Variants in BTBD8 observed in about 807,000 individuals in gnomAD.
BTBD8 encodes the protein BTB/POZ domain-containing protein 8.
BTBD8 carries 110 observed loss-of-function variants against 162.9 expected under a neutral mutation model. That is an observed-to-expected ratio of 0.68 (90% CI 0.58 to 0.79). BTBD8 has a LOEUF of 0.79. BTBD8 is among the 30% of genes least tolerant of loss of function. The pLI is 0.00. For missense variants in BTBD8, 1,905 were observed against 2,085.4 expected (o/e 0.91, Z 1.68); for synonymous variants, 667 against 716.1 (o/e 0.93, Z 1.10).
chr1:92,087,349 T>C (rs1199524594), intron 1 of BTBD8, among the ~76,000 whole-genome samples: 1 of 152,186 alleles, frequency 6.6e-6, no homozygotes, highest in African/African-American at 2.4e-5. Flanking sequence ...ATTGAGTGTT[T>C]GTAGAGTTTC....
rs529372516 is a variant in BTBD8 at position 92,146,682 on chromosome 1, G to A, written c.931-498G>A. Among the ~76,000 whole-genome samples, 15 of 152,006 alleles carry A rather than the reference G, an allele frequency of 9.9e-5. No individual in the cohort carries two copies. The East Asian group carries it at 2.9e-3, about 29-fold the overall frequency. ...TCTCTGTAGTTTTGTTTTTTTCCGG[G>A]ATGTAATATAGTTGCAATCATACAG... On this transcript the variant is annotated intron_variant, in intron 7 of 17. Transcript: ENST00000636805.
chr1:92,179,370 A>C (rs890628665), intron 16 of BTBD8, among the ~76,000 whole-genome samples: 7 of 152,238 alleles, frequency 4.6e-5, no homozygotes, highest in African/African-American at 1.7e-4. Context: ...TCTGAAAACG[A>C]AAAGAGTACT....
At chr1:92,129,838 G>A in intron 5 of BTBD8, 62 bp downstream of exon 5, 1 of 1,387,214 alleles carries the variant, frequency 7.2e-7, no homozygotes, top group Non-Finnish European at 1.0e-6. Context: ...TTCATACAAA[G>A]CACTTTTTAT....
intron 17 of BTBD8, 150 bp downstream of exon 17, chr1:92,182,745 T>C (rs1650952193): frequency 2.0e-6 from 1 of 490,072 alleles, no homozygotes; most frequent in Non-Finnish European, 3.5e-6. Flanking sequence ...TGTCTTAATA[T>C]GAAAATTACT....
At chr1:92,095,485 T>C (rs1336269724) in intron 2 of BTBD8, among the ~76,000 whole-genome samples, 3 of 152,214 alleles carry the variant, frequency 2.0e-5, no homozygotes, top group Non-Finnish European at 2.9e-5. Flanking sequence ...TCTCCTGATC[T>C]GTTGGCCTCA....
At chr1:92,124,876 A>G (rs1000235788) in intron 4 of BTBD8, among the ~76,000 whole-genome samples, 2 of 152,136 alleles carry the variant, frequency 1.3e-5, no homozygotes, top group Admixed American at 6.6e-5. Context: ...TGAGTTTTGA[A>G]CTAGAACTCC....
intron 9 of BTBD8, among the ~76,000 whole-genome samples, chr1:92,164,822 C>T (rs1367149618): frequency 6.6e-6 from 1 of 151,662 alleles, no homozygotes; most frequent in Non-Finnish European, 1.5e-5. Flanking sequence ...CCACCACGCC[C>T]AGCTAATTTT....
chr1:92,104,962 C>G (rs1294411523), intron 3 of BTBD8, among the ~76,000 whole-genome samples: 3 of 149,770 alleles, frequency 2.0e-5, no homozygotes, highest in Non-Finnish European at 4.4e-5. Flanking sequence ...GAAGGAGTCT[C>G]ACTCCGTAAC....
chr1:92,123,749 C>T (rs1649276914), intron 4 of BTBD8, among the ~76,000 whole-genome samples: 1 of 142,150 alleles, frequency 7.0e-6, no homozygotes, highest in African/African-American at 2.7e-5. Flanking sequence ...TGCACTCCAG[C>T]CTGGGCGACA....
intron 2 of BTBD8, among the ~76,000 whole-genome samples, chr1:92,091,928 G>C (rs953087381): frequency 6.6e-6 from 1 of 152,048 alleles, no homozygotes; most frequent in African/African-American, 2.4e-5. Flanking sequence ...TCCTCGGATT[G>C]TCTGGACACT....
intron 4 of BTBD8, among the ~76,000 whole-genome samples, chr1:92,129,371 C>T (rs1649450325): frequency 6.6e-6 from 1 of 151,930 alleles, no homozygotes; most frequent in African/African-American, 2.4e-5. Flanking sequence ...GTAGTGTTAG[C>T]TTCTTGGGAG....
chr1:92,169,779 G>A (rs1650485774), intron 12 of BTBD8, among the ~76,000 whole-genome samples: 1 of 152,132 alleles, frequency 6.6e-6, no homozygotes, highest in South Asian at 2.1e-4. Flanking sequence ...TATATTTTGA[G>A]AATGCATAAA....
At position 92,159,054 on chromosome 1, in the gene BTBD8, C is replaced by T. The variant is rs778533568; in HGVS notation, c.1123-7904C>T. ...TACAGGCATGAGCCACTGTGCCCAGCCAAAATCTTTAAGTGATTTATTCAC... is the reference window on the plus strand; with the variant it reads ...TACAGGCATGAGCCACTGTGCCCAGTCAAAATCTTTAAGTGATTTATTCAC... On this transcript the variant is annotated intron_variant, in intron 9 of 17. Coordinates refer to ENST00000636805, the MANE Select transcript of BTBD8 (RefSeq NM_001376131.1). 4.3e-4 allele frequency among the ~76,000 whole-genome samples: 65 copies of T among 152,172 alleles called. 1 individual carries two copies. The highest frequency in any genetic ancestry group is 7.2e-4 in the Admixed American group (11 of 15,278).
intron 8 of BTBD8, 30 bp from the exon 9 acceptor site, chr1:92,147,654 C>A: frequency 6.5e-7 from 1 of 1,540,382 alleles, no homozygotes; most frequent in East Asian, 2.3e-5. Flanking sequence ...ATCTTAATTT[C>A]TTTAACGTGG....
chr1:92,126,948 G>T (rs554355485), intron 4 of BTBD8, among the ~76,000 whole-genome samples: 1 of 152,214 alleles, frequency 6.6e-6, no homozygotes, highest in Admixed American at 6.5e-5. Context: ...TAATATAGTA[G>T]AAAAACATCT....
chr1:92,178,802 C>A (rs143381897), intron 16 of BTBD8, among the ~76,000 whole-genome samples: 1 of 152,024 alleles, frequency 6.6e-6, no homozygotes, highest in Non-Finnish European at 1.5e-5. Flanking sequence ...GTTTGGTTTT[C>A]ATTGTCTTTT....
intron 2 of BTBD8, among the ~76,000 whole-genome samples, chr1:92,096,160 G>A (rs772200214): frequency 2.0e-5 from 3 of 151,972 alleles, no homozygotes; most frequent in Non-Finnish European, 2.9e-5. Context: ...TAGTAGAAAC[G>A]GGTTCGCCAT....
intron 17 of BTBD8, 109 bp from the exon 18 acceptor site, chr1:92,183,755 G>GGTTT: frequency 2.3e-6 from 1 of 430,548 alleles, no homozygotes; most frequent in Non-Finnish European, 3.9e-6. Flanking sequence ...CCCATTCTGT[G>GGTTT]TTTTTTTTTT....
Position 92,182,566 on chromosome 1 carries a change from C to T in BTBD8, c.4883C>T (p.Thr1628Ile). ...GTGAAAGAGAGCCATTCTACAACTA[C>T]TGAAAAAGCTAATATTGCTTTATCT... ...GPVKESHSTTTEKANIALSAG... is the reference protein window; with the variant it reads ...GPVKESHSTTIEKANIALSAG... Residue 1628 changes from threonine to isoleucine, a missense_variant, in exon 17 of 18, where the codon ACT becomes ATT. Transcript: ENST00000636805. 1 of 1,509,266 alleles carries T rather than the reference C, an allele frequency of 6.6e-7. No homozygotes were observed. Among genetic ancestry groups the T allele is most frequent in the Non-Finnish European group, 8.8e-7 (1 of 1,132,872 alleles). The allele number at this position is 1,509,266 out of a possible 1,614,324, so 93.5% of individuals were successfully genotyped here. A position where few individuals can be genotyped will look rare whatever the true frequency, so the allele number is the denominator to read the frequency against.
Sources: gnomAD v4.1 joint callset for allele counts (sites outside exome capture counted in the v4.1 genomes callset) on GRCh38, gnomAD v4.1.1 for gene constraint, MANE v1.5 for transcripts, NCBI Gene and HGNC (gene_info 2026-07-23, HGNC 2026-07-21) for gene names.